Variants in NRG1 observed in about 807,000 individuals in gnomAD.
The protein encoded by NRG1 is pro-neuregulin-1, membrane-bound isoform.
A neutral mutation model predicts 63.8 loss-of-function variants in NRG1; 18 were observed. The observed-to-expected ratio is 0.28, with a 90% CI of 0.19 to 0.42. The LOEUF is 0.42. Ranked by LOEUF, NRG1 falls within the 10% of genes least tolerant of loss-of-function variation. NRG1 has a pLI of 1.00. For missense variants in NRG1, 762 were observed against 814.7 expected (o/e 0.94, Z 0.79); for synonymous variants, 302 against 301.3 (o/e 1.00, Z -0.02).
rs148619176 is a variant in NRG1, at chr8:31,743,458, A to G, written c.37+104027A>G. On this transcript the variant is annotated intron_variant, in intron 1 of 10. Transcript: ENST00000519301. ...TTATTATATTACAACAAGCTCAAGT[A>G]CCAAGTGTCTTTGACTTTGGCTGAA... is the stretch of plus-strand genomic sequence containing the variant. 3.8e-3 allele frequency among the ~76,000 whole-genome samples: 585 copies of G among 152,098 alleles called. 1 individual carries two copies. Among genetic ancestry groups the G allele is most frequent in the South Asian group, 0.019 (92 of 4,830 alleles).
chr8:32,114,758 G>C (rs1433064509), intron 1 of NRG1, among the ~76,000 whole-genome samples: 1 of 152,166 alleles, frequency 6.6e-6, no homozygotes, highest in African/African-American at 2.4e-5. Context: ...AGAGAGCCCA[G>C]AACTCTCCCT....
At chr8:32,661,026 G>A (rs541537774) in intron 5 of NRG1, among the ~76,000 whole-genome samples, 11 of 152,262 alleles carry the variant, frequency 7.2e-5, no homozygotes, top group Non-Finnish European at 1.3e-4. Context: ...TGATTTATGT[G>A]TTACCATCAT....
At chr8:32,560,210 CTT>C (rs147928361) in intron 1 of NRG1, among the ~76,000 whole-genome samples, 1 of 147,268 alleles carries the variant, frequency 6.8e-6, no homozygotes. Context: ...ATTCTTTTTG[CTT>C]TTTTTTTTGT....
chr8:31,725,722 T>C (rs550454376), intron 1 of NRG1, among the ~76,000 whole-genome samples: 1 of 152,314 alleles, frequency 6.6e-6, no homozygotes, highest in African/African-American at 2.4e-5. Flanking sequence ...TTTGCAACTC[T>C]TGGCCAAATA....
intron 1 of NRG1, among the ~76,000 whole-genome samples, chr8:31,945,561 G>A (rs1802414780): frequency 6.6e-6 from 1 of 152,170 alleles, no homozygotes; most frequent in South Asian, 2.1e-4. Flanking sequence ...CTTGCCATCT[G>A]CAGTTCGGAG....
intron 7 of NRG1, chr8:32,743,327 A>G (rs548476306): frequency 1.7e-6 from 1 of 599,906 alleles, no homozygotes; most frequent in Non-Finnish European, 2.1e-6. Context: ...ACAGCAAATG[A>G]GATATCCTGG....
intron 1 of NRG1, among the ~76,000 whole-genome samples, chr8:31,928,182 G>A (rs552064180): frequency 2.6e-5 from 4 of 151,730 alleles, no homozygotes; most frequent in Non-Finnish European, 5.9e-5. Flanking sequence ...AGGAATATCT[G>A]TGAAGGGGGT....
chr8:32,074,287 G>T (rs1184573397), intron 1 of NRG1, among the ~76,000 whole-genome samples: 1 of 152,128 alleles, frequency 6.6e-6, no homozygotes, highest in Non-Finnish European at 1.5e-5. Flanking sequence ...TCTTGCTGCT[G>T]TAACAGTTCC....
intron 1 of NRG1, among the ~76,000 whole-genome samples, chr8:31,765,687 C>A (rs552062791): frequency 1.4e-4 from 21 of 152,144 alleles, no homozygotes; most frequent in African/African-American, 4.1e-4. Flanking sequence ...AGGAGTTCAC[C>A]TTAAATTTTA....
At chr8:32,607,056 G>A (rs1295667714) in intron 3 of NRG1, among the ~76,000 whole-genome samples, 1 of 152,120 alleles carries the variant, frequency 6.6e-6, no homozygotes, top group Non-Finnish European at 1.5e-5. Context: ...CCTCCATAGA[G>A]AGTAAAGGAG....
chr8:32,147,770 C>T (rs1468881555), intron 1 of NRG1, among the ~76,000 whole-genome samples: 2 of 152,184 alleles, frequency 1.3e-5, no homozygotes, highest in Admixed American at 6.5e-5. Flanking sequence ...CACCTATCCA[C>T]GTACGTATGT....
At chr8:32,018,047 G>A (rs1166233319) in intron 1 of NRG1, among the ~76,000 whole-genome samples, 2 of 152,304 alleles carry the variant, frequency 1.3e-5, no homozygotes, top group African/African-American at 4.8e-5. Context: ...ATTAGAATAT[G>A]AAAATATATC....
chr8:32,720,058 T>C (rs528374211), intron 5 of NRG1, among the ~76,000 whole-genome samples: 126 of 152,170 alleles, frequency 8.3e-4, no homozygotes, highest in Non-Finnish European at 1.7e-3. Context: ...ATTTACCTTA[T>C]GATTTCTCTC....
chr8:32,001,560 T>A (rs553739071), intron 1 of NRG1, among the ~76,000 whole-genome samples: 1 of 152,042 alleles, frequency 6.6e-6, no homozygotes, highest in Non-Finnish European at 1.5e-5. Context: ...ATTTTTATCA[T>A]AATTTATTCA....
intron 1 of NRG1, among the ~76,000 whole-genome samples, chr8:32,117,415 A>T (rs1045091492): frequency 2.6e-5 from 4 of 151,458 alleles, no homozygotes; most frequent in African/African-American, 9.8e-5. Context: ...ATATATACTT[A>T]TTATTTCATC....
intron 1 of NRG1, among the ~76,000 whole-genome samples, chr8:31,684,010 T>G (rs1808612972): frequency 6.6e-6 from 1 of 152,194 alleles, no homozygotes; most frequent in Non-Finnish European, 1.5e-5. Flanking sequence ...AGAGAAGACT[T>G]GATTCTCATT....
chr8:31,787,969 G>T (rs933442753), intron 1 of NRG1, among the ~76,000 whole-genome samples: 5 of 151,956 alleles, frequency 3.3e-5, no homozygotes, highest in African/African-American at 1.2e-4. Flanking sequence ...CTTCACAATG[G>T]CTCTACTATA....
chr8:32,044,585 C>A (rs1239217265), intron 1 of NRG1, among the ~76,000 whole-genome samples: 1 of 151,566 alleles, frequency 6.6e-6, no homozygotes, highest in Non-Finnish European at 1.5e-5. Context: ...ATGGCAAGTT[C>A]ATGGAATTGA....
At chr8:31,892,813 T>C (rs542607465) in intron 1 of NRG1, among the ~76,000 whole-genome samples, 1 of 152,220 alleles carries the variant, frequency 6.6e-6, no homozygotes, top group African/African-American at 2.4e-5. Flanking sequence ...GAGTTTCCTT[T>C]AAGCTAACGT....
Sources: allele counts gnomAD v4.1 joint callset (sites outside exome capture counted in the v4.1 genomes callset), GRCh38; gene constraint gnomAD v4.1.1; transcripts MANE v1.5; gene names NCBI Gene and HGNC (gene_info 2026-07-23, HGNC 2026-07-21).